SCAPER: variants seen among roughly 807,000 people sequenced by gnomAD.
SCAPER encodes the protein S phase cyclin A-associated protein in the endoplasmic reticulum.
Under a neutral mutation model 182.2 loss-of-function variants are expected in SCAPER, and 98 were observed. That is an observed-to-expected ratio of 0.54 (90% confidence interval 0.46 to 0.64). The LOEUF is 0.64. Among genes scored for constraint, SCAPER ranks in the 30% least tolerant of loss-of-function variants. The pLI, the probability that SCAPER is intolerant of heterozygous loss-of-function variation, is 0.00. For synonymous variants in SCAPER, 605 were observed against 564.6 expected (o/e 1.07, Z -1.01); for missense variants, 1,432 against 1,690.0 (o/e 0.85, Z 2.68).
chr15:76,692,485 T>C (rs1475997401), intron 20 of SCAPER, among the ~76,000 whole-genome samples: 1 of 152,124 alleles, frequency 6.6e-6, no homozygotes, highest in East Asian at 1.9e-4. Flanking sequence ...GGCCAGGATT[T>C]TGAGACCAGC....
At chr15:76,503,257 G>A (rs1011493272) in intron 24 of SCAPER, among the ~76,000 whole-genome samples, 1 of 151,888 alleles carries the variant, frequency 6.6e-6, no homozygotes, top group African/African-American at 2.4e-5. Context: ...CATACAGTAA[G>A]TGAAGATAAC....
intron 23 of SCAPER, among the ~76,000 whole-genome samples, chr15:76,544,500 C>T (rs916077997): frequency 1.3e-5 from 2 of 152,062 alleles, no homozygotes; most frequent in East Asian, 1.9e-4. Flanking sequence ...TAACAGAATG[C>T]GGATACAAGC....
intron 23 of SCAPER, among the ~76,000 whole-genome samples, chr15:76,533,233 T>G (rs571273975): frequency 6.6e-6 from 1 of 152,304 alleles, no homozygotes; most frequent in East Asian, 1.9e-4. Flanking sequence ...GGAAGTGCAC[T>G]GTTAAAAATC....
chr15:76,400,869 A>G (rs1401680075), intron 27 of SCAPER, among the ~76,000 whole-genome samples: 1 of 152,082 alleles, frequency 6.6e-6, no homozygotes, highest in Non-Finnish European at 1.5e-5. Context: ...GTATGTGTAC[A>G]CAGAAGGAAT....
intron 24 of SCAPER, among the ~76,000 whole-genome samples, chr15:76,481,509 A>G (rs1185033311): frequency 6.6e-6 from 1 of 152,236 alleles, no homozygotes. Flanking sequence ...ATGCATATAT[A>G]TATTTTTTTG....
At chr15:76,640,355 A>G (rs2054002333) in intron 21 of SCAPER, among the ~76,000 whole-genome samples, 1 of 152,234 alleles carries the variant, frequency 6.6e-6, no homozygotes, top group African/African-American at 2.4e-5. Flanking sequence ...CTCCGTTTCA[A>G]TATAATGAGT....
At chr15:76,352,542 C>T (rs2040642941) in intron 30 of SCAPER, among the ~76,000 whole-genome samples, 1 of 149,144 alleles carries the variant, frequency 6.7e-6, no homozygotes, top group East Asian at 2.0e-4. Flanking sequence ...AGTTCAGTGG[C>T]ATGATCTTGG....
At chr15:76,416,349 C>T (rs565785380) in intron 26 of SCAPER, among the ~76,000 whole-genome samples, 7 of 150,730 alleles carry the variant, frequency 4.6e-5, no homozygotes, top group African/African-American at 1.5e-4. Context: ...ATTAGCCAGG[C>T]GAGATGGCAC....
chr15:76,577,411 C>A (rs1002768829), intron 22 of SCAPER, among the ~76,000 whole-genome samples: 2 of 152,048 alleles, frequency 1.3e-5, no homozygotes, highest in Non-Finnish European at 2.9e-5. Flanking sequence ...CATGCCACTG[C>A]GCTCTAGCCT....
chr15:76,682,000 T>C (rs973727611), intron 20 of SCAPER, among the ~76,000 whole-genome samples: 2 of 152,184 alleles, frequency 1.3e-5, no homozygotes, highest in South Asian at 2.1e-4. Context: ...CCGCCCTGTA[T>C]GCTAGCCTCT....
intron 8 of SCAPER, among the ~76,000 whole-genome samples, chr15:76,794,327 G>A (rs2065186133): frequency 6.6e-6 from 1 of 152,108 alleles, no homozygotes; most frequent in African/African-American, 2.4e-5. Flanking sequence ...TTGCAATTTT[G>A]ATTTTTACAA....
At chr15:76,552,948 G>A (rs2045903155) in intron 23 of SCAPER, among the ~76,000 whole-genome samples, 1 of 152,100 alleles carries the variant, frequency 6.6e-6, no homozygotes, top group Non-Finnish European at 1.5e-5. Context: ...GCTTCCCAGG[G>A]ACCCTCATCA....
chr15:76,742,135 GAA>G (rs1193839063), intron 15 of SCAPER, among the ~76,000 whole-genome samples: 4 of 151,946 alleles, frequency 2.6e-5, no homozygotes, highest in African/African-American at 7.2e-5. Flanking sequence ...AAGTGACTCA[GAA>G]AAGTCTTTTA....
At chr15:76,582,154 TAA>T (rs1360342723) in intron 22 of SCAPER, among the ~76,000 whole-genome samples, 2 of 151,982 alleles carry the variant, frequency 1.3e-5, no homozygotes, top group Admixed American at 1.3e-4. Flanking sequence ...AATTGAAAAA[TAA>T]AAAGTCAAAT....
intron 23 of SCAPER, among the ~76,000 whole-genome samples, chr15:76,508,523 G>T (rs777244966): frequency 2.0e-5 from 3 of 152,136 alleles, no homozygotes; most frequent in Non-Finnish European, 2.9e-5. Flanking sequence ...TTGTGGTATA[G>T]TGTTAATTTC....
At chr15:76,737,258 T>C (rs185842002) in intron 15 of SCAPER, among the ~76,000 whole-genome samples, 2 of 152,370 alleles carry the variant, frequency 1.3e-5, no homozygotes, top group African/African-American at 2.4e-5. Flanking sequence ...CCTTGATCCA[T>C]GGACTGCAGA....
chr15:76,528,616 A>G (rs1428474731), intron 23 of SCAPER, among the ~76,000 whole-genome samples: 3 of 152,212 alleles, frequency 2.0e-5, no homozygotes, highest in South Asian at 2.1e-4. Flanking sequence ...AACAATCCCT[A>G]TCGTCAGCTT....
intron 1 of SCAPER, among the ~76,000 whole-genome samples, chr15:76,898,365 T>G (rs1242522555): frequency 6.6e-6 from 1 of 152,138 alleles, no homozygotes; most frequent in Non-Finnish European, 1.5e-5. Flanking sequence ...AAAAGATAAG[T>G]CACTATATAA....
intron 5 of SCAPER, among the ~76,000 whole-genome samples, chr15:76,813,352 T>C (rs2066821084): frequency 6.7e-6 from 1 of 149,184 alleles, no homozygotes; most frequent in Non-Finnish European, 1.5e-5. Context: ...CAGTGATCAA[T>C]ATCAACATAA....
Sources: gnomAD v4.1 joint callset for allele counts (sites outside exome capture counted in the v4.1 genomes callset) on GRCh38, gnomAD v4.1.1 for gene constraint, MANE v1.5 for transcripts, NCBI Gene and HGNC (gene_info 2026-07-23, HGNC 2026-07-21) for gene names.